Variants in NELL2 observed in about 807,000 individuals in gnomAD.
The protein encoded by NELL2 is neural EGFL like 2, also known as protein kinase C-binding protein NELL2.
A neutral mutation model predicts 109.6 loss-of-function variants in NELL2; 41 were observed. That is an observed-to-expected ratio of 0.37 (90% CI 0.29 to 0.49). The LOEUF (loss-of-function observed/expected upper bound fraction) is 0.49, where lower values mean the gene tolerates loss of function less well. Among genes scored for constraint, NELL2 ranks in the 20% least tolerant of loss-of-function variants. The pLI is 0.98. For synonymous variants in NELL2, 355 were observed against 344.7 expected, an observed-to-expected ratio of 1.03 and a Z score of -0.33; for missense variants, 900 against 1,008.3, an observed-to-expected ratio of 0.89 and a Z score of 1.45.
At chr12:44,875,121 T>C (rs1304848373) in intron 2 of NELL2, 104 bp downstream of exon 2, 2 of 1,445,354 alleles carry the variant, frequency 1.4e-6, no homozygotes, top group African/African-American at 1.4e-5. Flanking sequence ...GCTAAAGTAC[T>C]GTCATCCATG....
chr12:44,590,265 T>G (rs951622601), intron 15 of NELL2, among the ~76,000 whole-genome samples: 4 of 152,170 alleles, frequency 2.6e-5, no homozygotes, highest in South Asian at 2.1e-4. Flanking sequence ...TTATAATTAC[T>G]TTCCCTGTCA....
At chr12:44,897,964 G>A (rs1399238534) in intron 1 of NELL2, among the ~76,000 whole-genome samples, 2 of 152,176 alleles carry the variant, frequency 1.3e-5, no homozygotes, top group African/African-American at 4.8e-5. Flanking sequence ...GGCTTCAGTA[G>A]GTGCTTTTCC....
chr12:44,564,966 C>T (rs1000018460), intron 15 of NELL2, among the ~76,000 whole-genome samples: 8 of 152,156 alleles, frequency 5.3e-5, no homozygotes, highest in Non-Finnish European at 1.0e-4. Flanking sequence ...GTGGTTCTCA[C>T]AGTGTGGACC....
At chr12:44,639,518 A>G (rs1210291525) in intron 13 of NELL2, among the ~76,000 whole-genome samples, 1 of 151,620 alleles carries the variant, frequency 6.6e-6, no homozygotes. Flanking sequence ...TTGCCATTTT[A>G]CTCCTTTTTC....
At chr12:44,870,064 T>A (rs1945119293) in intron 2 of NELL2, among the ~76,000 whole-genome samples, 1 of 152,168 alleles carries the variant, frequency 6.6e-6, no homozygotes, top group Non-Finnish European at 1.5e-5. Flanking sequence ...CAGCTAAGTT[T>A]TCTGCCACTG....
At chr12:44,883,254 G>C (rs1945435959) in intron 1 of NELL2, among the ~76,000 whole-genome samples, 1 of 151,920 alleles carries the variant, frequency 6.6e-6, no homozygotes, top group African/African-American at 2.4e-5. Context: ...GAAGACTCTA[G>C]GGAAGAATCT....
At chr12:44,517,186 T>G (rs914435573) in intron 19 of NELL2, among the ~76,000 whole-genome samples, 7 of 152,196 alleles carry the variant, frequency 4.6e-5, no homozygotes, top group Admixed American at 6.5e-5. Context: ...TCCATTGATC[T>G]GCAAAGTCCT....
intron 9 of NELL2, among the ~76,000 whole-genome samples, chr12:44,750,080 A>G (rs1940581173): frequency 6.6e-6 from 1 of 152,166 alleles, no homozygotes; most frequent in South Asian, 2.1e-4. Context: ...CATTGCAATA[A>G]GAAAAGTCCC....
intron 15 of NELL2, among the ~76,000 whole-genome samples, chr12:44,575,686 G>C (rs1277266675): frequency 6.6e-6 from 1 of 152,134 alleles, no homozygotes; most frequent in African/African-American, 2.4e-5. Context: ...ATAAAGCACT[G>C]AGCATAGGGT....
intron 9 of NELL2, among the ~76,000 whole-genome samples, chr12:44,732,570 CT>C: frequency 6.6e-6 from 1 of 151,922 alleles, no homozygotes; most frequent in East Asian, 1.9e-4. Flanking sequence ...GCATTAAAGA[CT>C]TAAACATAAG....
chr12:44,813,267 T>A (rs1260891352), intron 3 of NELL2, among the ~76,000 whole-genome samples: 1 of 152,206 alleles, frequency 6.6e-6, no homozygotes, highest in Non-Finnish European at 1.5e-5. Flanking sequence ...TGGCACATGG[T>A]AAGCCTTTAA....
At chr12:44,668,711 C>T (rs1412367330) in intron 12 of NELL2, among the ~76,000 whole-genome samples, 1 of 152,128 alleles carries the variant, frequency 6.6e-6, no homozygotes, top group Non-Finnish European at 1.5e-5. Flanking sequence ...CCCCACCCAC[C>T]ATCACTACTC....
intron 1 of NELL2, among the ~76,000 whole-genome samples, chr12:44,904,568 C>T (rs570077931): frequency 1.3e-4 from 20 of 152,110 alleles, no homozygotes; most frequent in Non-Finnish European, 1.9e-4. Flanking sequence ...CCCTGAATGA[C>T]GGTGAAAAAG....
chr12:44,813,245 G>C (rs550062500), intron 3 of NELL2, among the ~76,000 whole-genome samples: 260 of 152,148 alleles, frequency 1.7e-3, no homozygotes, highest in Non-Finnish European at 2.5e-3. Context: ...GTAATGCATG[G>C]AGCACAGTGC....
At chr12:44,811,615 A>T (rs1943183033) in intron 3 of NELL2, among the ~76,000 whole-genome samples, 1 of 152,012 alleles carries the variant, frequency 6.6e-6, no homozygotes, top group Non-Finnish European at 1.5e-5. Flanking sequence ...CATTACCACG[A>T]GTGCTGAAGC....
chr12:44,548,657 A>G (rs1942905066), intron 15 of NELL2, among the ~76,000 whole-genome samples: 1 of 152,162 alleles, frequency 6.6e-6, no homozygotes, highest in South Asian at 2.1e-4. Flanking sequence ...GATATATACC[A>G]ACATATGTCA....
intron 1 of NELL2, among the ~76,000 whole-genome samples, chr12:44,909,910 A>T (rs1945760784): frequency 6.6e-6 from 1 of 151,934 alleles, no homozygotes; most frequent in South Asian, 2.1e-4. Flanking sequence ...ATGGTGCTGG[A>T]ATAGCTGTCC....
At chr12:44,786,927 C>T (rs1349858071) in intron 3 of NELL2, among the ~76,000 whole-genome samples, 2 of 151,706 alleles carry the variant, frequency 1.3e-5, no homozygotes, top group Admixed American at 1.3e-4. Context: ...CTAATGCATG[C>T]GGGGCTTAAA....
intron 15 of NELL2, among the ~76,000 whole-genome samples, chr12:44,555,144 T>C (rs897982373): frequency 2.6e-5 from 4 of 152,166 alleles, no homozygotes; most frequent in African/African-American, 9.7e-5. Flanking sequence ...TGGTTGGGGT[T>C]CAGGTGGAGG....
Sources: gnomAD v4.1 joint callset for allele counts (sites outside exome capture counted in the v4.1 genomes callset) on GRCh38, gnomAD v4.1.1 for gene constraint, MANE v1.5 for transcripts, NCBI Gene and HGNC (gene_info 2026-07-23, HGNC 2026-07-21) for gene names.